Variants in LHFPL3 observed in about 807,000 individuals in gnomAD.
LHFPL3 encodes the protein LHFPL tetraspan subfamily member 3.
LHFPL3 carries 5 observed loss-of-function variants against 19.3 expected under a neutral mutation model. The observed-to-expected ratio is 0.26, with a 90% CI of 0.14 to 0.54. The LOEUF (loss-of-function observed/expected upper bound fraction) is 0.54. Among genes scored for constraint, LHFPL3 ranks in the 20% least tolerant of loss-of-function variants. The pLI is 0.94. For synonymous variants in LHFPL3, 133 were observed against 126.2 expected, an observed-to-expected ratio of 1.05 and a Z score of -0.36; for missense variants, 249 against 307.4, an observed-to-expected ratio of 0.81 and a Z score of 1.42.
intron 2 of LHFPL3, among the ~76,000 whole-genome samples, chr7:104,879,366 A>C (rs1415299835): frequency 6.6e-6 from 1 of 152,060 alleles, no homozygotes. Flanking sequence ...CAGTGAGTTG[A>C]GATTGCACCA....
At chr7:104,665,257 T>G (rs1292374436) in intron 1 of LHFPL3, among the ~76,000 whole-genome samples, 2 of 152,244 alleles carry the variant, frequency 1.3e-5, no homozygotes, top group Non-Finnish European at 2.9e-5. Flanking sequence ...TGTGTATCTA[T>G]AATTACTTCT....
chr7:104,371,325 G>A (rs916840866), intron 1 of LHFPL3, among the ~76,000 whole-genome samples: 5 of 152,126 alleles, frequency 3.3e-5, no homozygotes, highest in Admixed American at 1.3e-4. Flanking sequence ...GCAAGGACAC[G>A]TGGTTTATCT....
Position 104,328,747 on chromosome 7 carries a change from AGGAGG to A in LHFPL3, c.-32_-28del. On this transcript the variant is annotated 5_prime_UTR_variant, in exon 1 of 3. Coordinates refer to ENST00000424859, the MANE Select transcript of LHFPL3 (RefSeq NM_199000.3). This position sits in a 1 kb window ranked among gnomAD's most constrained non-coding sequence, Gnocchi z 4.6. ...GAGAGGCGGGGGGAGGCGGAGGACC[AGGAGG>A]AGGAGGAGGAGGAGGAGGAGGGGGA... is the stretch of plus-strand genomic sequence containing the variant. The A allele has an allele frequency of 2.0e-6, 1 of 496,474 alleles. No individual in the cohort carries two copies. The highest frequency in any genetic ancestry group is 4.2e-5 in the South Asian group (1 of 24,020). 30.8% of individuals were successfully genotyped at this position (496,474 alleles called of 1,614,324 possible). A position where few individuals can be genotyped will look rare whatever the true frequency, so the allele number is the denominator to read the frequency against.
intron 2 of LHFPL3, among the ~76,000 whole-genome samples, chr7:104,772,331 A>G (rs1275609212): frequency 6.6e-6 from 1 of 152,226 alleles, no homozygotes; most frequent in African/African-American, 2.4e-5. Flanking sequence ...TAATTAGTTA[A>G]TGGCTCAGTG....
chr7:104,669,089 C>T (rs986176850), intron 1 of LHFPL3: 1 of 1,612,732 alleles, frequency 6.2e-7, no homozygotes, highest in Non-Finnish European at 8.5e-7. Flanking sequence ...GAAAATGAAA[C>T]ACTCAATAAG....
At chr7:104,787,921 G>A (rs1318154922) in intron 2 of LHFPL3, among the ~76,000 whole-genome samples, 4 of 152,098 alleles carry the variant, frequency 2.6e-5, no homozygotes, top group East Asian at 1.9e-4. Flanking sequence ...CCCTAATACC[G>A]TCATGTTGGG....
chr7:104,546,235 A>G (rs1794576679), intron 1 of LHFPL3, among the ~76,000 whole-genome samples: 2 of 152,210 alleles, frequency 1.3e-5, no homozygotes, highest in African/African-American at 4.8e-5. Flanking sequence ...ATCCCAGGGA[A>G]ACAACCATAG....
At chr7:104,871,411 TCAGTGAGTGAA>T (rs567370510) in intron 2 of LHFPL3, among the ~76,000 whole-genome samples, 190 of 152,254 alleles carry the variant, frequency 1.2e-3, no homozygotes, top group African/African-American at 4.3e-3. Flanking sequence ...TCTGGGTGGG[TCAGTGAGTGAA>T]TGGTGAATGA....
chr7:104,676,084 G>A (rs970004779), intron 1 of LHFPL3, among the ~76,000 whole-genome samples: 6 of 152,194 alleles, frequency 3.9e-5, no homozygotes, highest in African/African-American at 1.2e-4. Flanking sequence ...TTAATGAGGA[G>A]GAGCAGCAAA....
intron 1 of LHFPL3, among the ~76,000 whole-genome samples, chr7:104,470,346 A>AT (rs1203272817): frequency 6.6e-6 from 1 of 152,196 alleles, no homozygotes; most frequent in Non-Finnish European, 1.5e-5. Flanking sequence ...TCATCCTCTT[A>AT]TTTTTAATAA....
chr7:104,722,766 A>T (rs1793512277), intron 1 of LHFPL3, among the ~76,000 whole-genome samples: 1 of 152,048 alleles, frequency 6.6e-6, no homozygotes, highest in Non-Finnish European at 1.5e-5. Context: ...TTCTTCAACT[A>T]CTGTATGCCT....
chr7:104,430,349 T>G (rs2116554354), intron 1 of LHFPL3, among the ~76,000 whole-genome samples: 1 of 130,946 alleles, frequency 7.6e-6, no homozygotes, highest in African/African-American at 2.7e-5. Context: ...AGTGTTTCAC[T>G]TGAAATTTGC....
chr7:104,506,593 A>T (rs765532449), intron 1 of LHFPL3, among the ~76,000 whole-genome samples: 53 of 152,238 alleles, frequency 3.5e-4, no homozygotes, highest in Non-Finnish European at 6.5e-4. Context: ...ATCTCACTTG[A>T]GCCTCAGTGC....
chr7:104,791,989 C>T (rs888236539), intron 2 of LHFPL3, among the ~76,000 whole-genome samples: 2 of 152,144 alleles, frequency 1.3e-5, no homozygotes, highest in African/African-American at 4.8e-5. Flanking sequence ...CCAGTCTCTC[C>T]ATAAGGTTAT....
chr7:104,474,834 A>AGGT (rs1792980486), intron 1 of LHFPL3, among the ~76,000 whole-genome samples: 1 of 152,188 alleles, frequency 6.6e-6, no homozygotes, highest in Non-Finnish European at 1.5e-5. Context: ...TGCAGAGAGA[A>AGGT]GGTGGGTTCT....
intron 2 of LHFPL3, among the ~76,000 whole-genome samples, chr7:104,829,443 T>C (rs1055932303): frequency 3.3e-5 from 5 of 151,852 alleles, no homozygotes; most frequent in African/African-American, 1.2e-4. Context: ...ACTTGTCATT[T>C]AGCATTAGGT....
At chr7:104,705,699 T>C (rs1045351917) in intron 1 of LHFPL3, among the ~76,000 whole-genome samples, 1 of 152,174 alleles carries the variant, frequency 6.6e-6, no homozygotes, top group Non-Finnish European at 1.5e-5. Flanking sequence ...AGGTTGAGCA[T>C]GAAAATTTCT....
chr7:104,736,637 T>C (rs374574367), intron 1 of LHFPL3, 38 bp from the exon 2 acceptor site: 3 of 1,373,758 alleles, frequency 2.2e-6, no homozygotes, highest in African/African-American at 2.9e-5. Flanking sequence ...TTGACTTATC[T>C]TTTTTGTTTC....
Position 104,736,766 on chromosome 7 carries a change from C to A in LHFPL3, c.537C>A (p.Tyr179Ter). ...KRMCGEKTDK[Y>*]TLGACSVRWA... ...TGTGTGGAGAAAAGACAGACAAGTACACTCTTGGGGCTTGCTCAGTCCGCT... is the reference window on the plus strand; with the variant it reads ...TGTGTGGAGAAAAGACAGACAAGTAAACTCTTGGGGCTTGCTCAGTCCGCT... The change falls in exon 2 of 3, where the codon TAC becomes TAA. Residue 179 changes from tyrosine to a stop codon, truncating the protein, a stop_gained. Coordinates refer to ENST00000424859, the MANE Select transcript of LHFPL3 (RefSeq NM_199000.3). LOFTEE classifies it high-confidence loss of function. The A allele has an allele frequency of 6.2e-7, 1 of 1,613,666 alleles. No homozygotes were observed. The highest frequency in any genetic ancestry group is 8.5e-7 in the Non-Finnish European group (1 of 1,179,802).
Sources: gnomAD v4.1 joint callset for allele counts (sites outside exome capture counted in the v4.1 genomes callset) on GRCh38, gnomAD v4.1.1 for gene constraint, Gnocchi (gnomAD v3.1) non-coding constraint, MANE v1.5 for transcripts, NCBI Gene and HGNC (gene_info 2026-07-23, HGNC 2026-07-21) for gene names.